The following MEMO1 variants were observed in gnomAD, a reference collection of about 807,000 sequenced individuals.
MEMO1 encodes the protein protein MEMO1.
In MEMO1, 6 loss-of-function variants were observed where a neutral mutation model predicts 45.2. The observed-to-expected ratio is 0.13, with a 90% CI of 0.07 to 0.26. The LOEUF (loss-of-function observed/expected upper bound fraction) is 0.26, where lower values mean the gene tolerates loss of function less well. Ranked by LOEUF, MEMO1 falls within the 10% of genes least tolerant of loss-of-function variation. MEMO1 has a pLI of 1.00. For missense variants in MEMO1, 184 were observed against 370.5 expected (o/e 0.50, Z 4.13); for synonymous variants, 78 against 124.3 (o/e 0.63, Z 2.48).
intron 2 of MEMO1, among the ~76,000 whole-genome samples, chr2:31,943,826 C>G (rs1665894304): frequency 6.6e-6 from 1 of 152,090 alleles, no homozygotes; most frequent in African/African-American, 2.4e-5. Context: ...TTCTTCCATC[C>G]CACTCCAGTC....
At chr2:32,004,921 C>T (rs887787766) in intron 2 of MEMO1, among the ~76,000 whole-genome samples, 17 of 146,818 alleles carry the variant, frequency 1.2e-4, no homozygotes, top group Non-Finnish European at 1.9e-4. Flanking sequence ...AGTTAGACCC[C>T]GTTTCAAAAA....
chr2:31,995,651 A>T (rs1672501225), intron 2 of MEMO1, among the ~76,000 whole-genome samples: 1 of 152,102 alleles, frequency 6.6e-6, no homozygotes, highest in African/African-American at 2.4e-5. Context: ...GTGGGAGAAT[A>T]TTAAGCTATG....
chr2:31,937,775 A>G (rs1334426457), intron 3 of MEMO1, among the ~76,000 whole-genome samples: 1 of 152,200 alleles, frequency 6.6e-6, no homozygotes, highest in Non-Finnish European at 1.5e-5. Context: ...GGGGGCTTCA[A>G]TATTCAAAGT....
chr2:31,971,885 G>A (rs904469312), intron 2 of MEMO1, among the ~76,000 whole-genome samples: 5 of 152,084 alleles, frequency 3.3e-5, no homozygotes, highest in African/African-American at 1.2e-4. Context: ...CAGGAAAATT[G>A]CTTGAGCCCA....
At chr2:31,922,888 T>C (rs1246853448) in intron 4 of MEMO1, among the ~76,000 whole-genome samples, 3 of 152,148 alleles carry the variant, frequency 2.0e-5, no homozygotes, top group African/African-American at 4.8e-5. Flanking sequence ...TGGGCATTTA[T>C]GTTGATTCCT....
At chr2:32,007,071 T>C (rs562331025) in intron 2 of MEMO1, among the ~76,000 whole-genome samples, 67 of 152,042 alleles carry the variant, frequency 4.4e-4, no homozygotes, top group Non-Finnish European at 9.0e-4. Context: ...GAAACCTCCA[T>C]TGGTCCTCAC....
At chr2:31,975,381 T>C (rs1207280912) in intron 2 of MEMO1, among the ~76,000 whole-genome samples, 1 of 152,204 alleles carries the variant, frequency 6.6e-6, no homozygotes, top group East Asian at 1.9e-4. Context: ...CTGATCTTTG[T>C]GACGGTCAGA....
At chr2:31,988,441 G>A (rs886615809) in intron 2 of MEMO1, among the ~76,000 whole-genome samples, 2 of 152,072 alleles carry the variant, frequency 1.3e-5, no homozygotes, top group African/African-American at 2.4e-5. Context: ...CAGCTACTCA[G>A]GAGGCTGAGG....
Position 31,869,950 on chromosome 2 carries a change from AC to A in MEMO1, c.659del (p.Gly220ValfsTer2). 6.9e-7 allele frequency: 1 copy of A among 1,448,668 alleles called. No individual in the cohort carries two copies. The highest frequency in any genetic ancestry group is 9.1e-7 in the Non-Finnish European group (1 of 1,098,912). The allele number at this position is 1,448,668 out of a possible 1,614,324, so 89.7% of individuals were successfully genotyped here. On this transcript the variant is annotated frameshift_variant and splice_region_variant, in exon 9 of 10. Transcript: ENST00000404530. LOFTEE classifies it high-confidence loss of function. ...YRSIEHLDKM[G>X]MSIIEQLDPV... ...GGTCTAATTGTTCTATAATACTCATACCCTAAAAAAAAAAAAAAAGAAGAGG... is the reference window on the plus strand; with the variant it reads ...GGTCTAATTGTTCTATAATACTCATACCTAAAAAAAAAAAAAAAGAAGAGG...
chr2:31,869,219 C>T (rs1246352396), intron 9 of MEMO1, among the ~76,000 whole-genome samples: 1 of 152,080 alleles, frequency 6.6e-6, no homozygotes, highest in Non-Finnish European at 1.5e-5. Context: ...CAAATAAGCC[C>T]ATTGTTACTT....
chr2:31,979,665 T>TA (rs1046426875), intron 2 of MEMO1, among the ~76,000 whole-genome samples: 1 of 152,020 alleles, frequency 6.6e-6, no homozygotes, highest in Admixed American at 6.6e-5. Context: ...TTTTTAAAAA[T>TA]AAAAAATAAA....
At chr2:31,972,222 A>C (rs1260605404) in intron 2 of MEMO1, among the ~76,000 whole-genome samples, 1 of 152,180 alleles carries the variant, frequency 6.6e-6, no homozygotes, top group African/African-American at 2.4e-5. Context: ...CAGAAAATCC[A>C]GTACAAAGTA....
chr2:31,919,383 G>A (rs1681938587), intron 5 of MEMO1, among the ~76,000 whole-genome samples: 1 of 151,976 alleles, frequency 6.6e-6, no homozygotes, highest in Non-Finnish European at 1.5e-5. Context: ...AAACTCCTGA[G>A]CTCAAGCAGT....
intron 2 of MEMO1, among the ~76,000 whole-genome samples, chr2:31,991,262 A>G (rs1166259309): frequency 6.6e-6 from 1 of 152,222 alleles, no homozygotes; most frequent in Non-Finnish European, 1.5e-5. Context: ...AGACTTCTCA[A>G]TATTTTTGAC....
intron 6 of MEMO1, among the ~76,000 whole-genome samples, chr2:31,914,963 A>T (rs866533487): frequency 2.0e-3 from 227 of 114,118 alleles, no homozygotes; most frequent in African/African-American, 6.7e-3. Flanking sequence ...TCTCTTTTTA[A>T]AAAAAAAAAA....
intron 3 of MEMO1, among the ~76,000 whole-genome samples, chr2:31,934,920 A>G (rs1664731427): frequency 6.6e-6 from 1 of 152,178 alleles, no homozygotes; most frequent in South Asian, 2.1e-4. Flanking sequence ...AAGAGAAGCA[A>G]ATGTGATAGA....
chr2:31,891,403 G>C (rs565629090), intron 7 of MEMO1, among the ~76,000 whole-genome samples: 2 of 152,140 alleles, frequency 1.3e-5, no homozygotes, highest in East Asian at 1.9e-4. Context: ...ACGTGTCCTT[G>C]CTCTTACAAT....
chr2:31,955,426 A>G (rs779630027), intron 2 of MEMO1, among the ~76,000 whole-genome samples: 47 of 152,190 alleles, frequency 3.1e-4, no homozygotes, highest in Non-Finnish European at 1.9e-4. Flanking sequence ...TGTTTCTTAG[A>G]CTCACTTCAA....
chr2:31,954,850 G>C (rs1275819982), intron 2 of MEMO1, among the ~76,000 whole-genome samples: 1 of 146,624 alleles, frequency 6.8e-6, no homozygotes, highest in Non-Finnish European at 1.5e-5. Flanking sequence ...AAAAAAAAAA[G>C]AAAGATCCCT....
Sources: gnomAD v4.1 joint callset for allele counts (sites outside exome capture counted in the v4.1 genomes callset) on GRCh38, gnomAD v4.1.1 for gene constraint, MANE v1.5 for transcripts, NCBI Gene and HGNC (gene_info 2026-07-23, HGNC 2026-07-21) for gene names.